Variants in YEATS2 observed in about 807,000 individuals in gnomAD.
YEATS2 encodes YEATS domain containing 2, also known as YEATS domain-containing protein 2.
YEATS2 carries 77 observed loss-of-function variants against 163.2 expected under a neutral mutation model. The ratio of observed to expected loss-of-function variants is 0.47; its 90% CI spans 0.39 to 0.57. The LOEUF (loss-of-function observed/expected upper bound fraction) is 0.57. Ranked by LOEUF, YEATS2 falls within the 20% of genes least tolerant of loss-of-function variation. YEATS2 has a pLI of 0.00. For missense variants in YEATS2, 1,549 were observed against 1,729.8 expected (o/e 0.90, Z 1.85); for synonymous variants, 631 against 645.1 (o/e 0.98, Z 0.33).
chr3:183,801,558 C>T lies in YEATS2; in HGVS notation c.3502+30C>T. On this transcript the variant is annotated intron_variant, in intron 25 of 30. Coordinates refer to ENST00000305135, the MANE Select transcript of YEATS2 (RefSeq NM_018023.5). The stretch of plus-strand genomic sequence containing the variant: ...GACAATTACACTGAATATAGGGGTG[C>T]ATTTTTGAAAGCTGTGAACTTAAGG... The T allele has an allele frequency of 4.6e-6, 7 of 1,533,156 alleles. 1 individual carries two copies. The highest frequency in any genetic ancestry group is 6.2e-6 in the Non-Finnish European group (7 of 1,126,188). 95.0% of individuals were successfully genotyped at this position (1,533,156 alleles called of 1,614,324 possible). A position where few individuals can be genotyped will look rare whatever the true frequency, so the allele number is the denominator to read the frequency against.
At chr3:183,728,382 A>G (rs1717351396) in intron 6 of YEATS2, among the ~76,000 whole-genome samples, 1 of 152,176 alleles carries the variant, frequency 6.6e-6, no homozygotes, top group African/African-American at 2.4e-5. Context: ...AAACATGGTG[A>G]TGGGGTCTTG....
At chr3:183,810,096 C>T (rs1041757194) in intron 30 of YEATS2, 7 of 206,640 alleles carry the variant, frequency 3.4e-5, no homozygotes, top group Non-Finnish European at 5.9e-5. Context: ...CCTGGCCTGG[C>T]GTGGCTCCGT....
intron 4 of YEATS2, among the ~76,000 whole-genome samples, chr3:183,720,969 T>TTA (rs1422035332): frequency 1.3e-5 from 2 of 152,220 alleles, no homozygotes; most frequent in Non-Finnish European, 2.9e-5. Flanking sequence ...TCCCTCTTCT[T>TTA]ATAAGCGAGG....
rs563342052 is a variant in YEATS2 at position 183,790,925 on chromosome 3, C to G, written c.3042C>G (p.Ser1014Arg). The G allele has an allele frequency of 1.2e-6, 2 of 1,614,208 alleles. No homozygotes were observed. Among genetic ancestry groups the G allele is most frequent in the South Asian group, 2.2e-5 (2 of 91,076 alleles). Reference sequence around the variant, plus strand: ...AGGCTGCCACCCCCACCGTCGTCAGCGCCACGTCCCTCGTGCCTACACCAA... The same window carrying G: ...AGGCTGCCACCCCCACCGTCGTCAGGGCCACGTCCCTCGTGCCTACACCAA... ...TCKAATPTVVSATSLVPTPNP... is the reference protein window; with the variant it reads ...TCKAATPTVVRATSLVPTPNP... Residue 1014 changes from serine to arginine, a missense_variant, in exon 21 of 31, where the codon AGC becomes AGG. Transcript: ENST00000305135.
intron 15 of YEATS2, among the ~76,000 whole-genome samples, chr3:183,763,942 C>T (rs891977310): frequency 6.6e-6 from 1 of 152,030 alleles, no homozygotes; most frequent in African/African-American, 2.4e-5. Flanking sequence ...GTGGCATGCA[C>T]CTGTAATCCC....
intron 8 of YEATS2, among the ~76,000 whole-genome samples, chr3:183,737,353 T>TG (rs1041795784): frequency 1.6e-4 from 25 of 152,026 alleles, no homozygotes; most frequent in African/African-American, 5.6e-4. Context: ...CTAAGAATAG[T>TG]GGGGGGAAGA....
At position 183,768,378 on chromosome 3, in the gene YEATS2, A is replaced by T. The variant is rs1170833643; in HGVS notation, c.1948-3927A>T. On this transcript the variant is annotated intron_variant, in intron 15 of 30. Coordinates refer to ENST00000305135, the MANE Select transcript of YEATS2 (RefSeq NM_018023.5). Reference sequence around the variant, plus strand: ...AGCCAGAAAGCAAATGGCCACGCCTAGGTCTGGGAGGGCTGGGAAATAGAG... The same window carrying T: ...AGCCAGAAAGCAAATGGCCACGCCTTGGTCTGGGAGGGCTGGGAAATAGAG... 2.0e-5 allele frequency among the ~76,000 whole-genome samples: 3 copies of T among 152,184 alleles called. No individual in the cohort carries two copies. In the East Asian group the frequency reaches 5.8e-4, roughly 29 times the overall value.
At chr3:183,744,332 G>C (rs938905461) in intron 8 of YEATS2, among the ~76,000 whole-genome samples, 2 of 151,656 alleles carry the variant, frequency 1.3e-5, no homozygotes, top group African/African-American at 4.8e-5. Context: ...GGCTAGGCTG[G>C]TCTCAAACTC....
chr3:183,741,881 G>A (rs1157940623), intron 8 of YEATS2, among the ~76,000 whole-genome samples: 34 of 152,058 alleles, frequency 2.2e-4, no homozygotes, highest in Non-Finnish European at 4.7e-4. Flanking sequence ...AGATCAAGGA[G>A]TAATTTCAAC....
At chr3:183,793,413 T>G (rs1724843244) in intron 21 of YEATS2, 2 of 1,022,976 alleles carry the variant, frequency 2.0e-6, no homozygotes, top group South Asian at 7.6e-5. Flanking sequence ...TGTTCTCTAC[T>G]AACTGTTTTA....
Position 183,717,636 on chromosome 3 carries a change from A to T in YEATS2, c.101-15A>T. On this transcript the variant is annotated splice_polypyrimidine_tract_variant and intron_variant, in intron 2 of 30. Coordinates refer to ENST00000305135, the MANE Select transcript of YEATS2 (RefSeq NM_018023.5). ...ATTAATTAGGCCTTGGATGTATTTT[A>T]TGTTCTTTGTACAGCTCGAGATGCT... 2 of 1,538,110 alleles carry T rather than the reference A, an allele frequency of 1.3e-6. No individual in the cohort carries two copies. The highest frequency in any genetic ancestry group is 1.7e-6 in the Non-Finnish European group (2 of 1,149,002).
At chr3:183,784,089 T>G (rs1723828317) in intron 19 of YEATS2, among the ~76,000 whole-genome samples, 1 of 152,162 alleles carries the variant, frequency 6.6e-6, no homozygotes, top group Non-Finnish European at 1.5e-5. Context: ...ATTTTTCTAG[T>G]GACAGGGTCA....
chr3:183,708,592 CA>C (rs915208731), intron 1 of YEATS2, among the ~76,000 whole-genome samples: 5 of 151,990 alleles, frequency 3.3e-5, no homozygotes, highest in East Asian at 1.9e-4. Context: ...TGTTTGGGGC[CA>C]GGGGTGGTGG....
At position 183,698,625 on chromosome 3, in the gene YEATS2, G is replaced by A. The variant is rs184481284; in HGVS notation, c.-20+632G>A. On this transcript the variant is annotated intron_variant, in intron 1 of 30. Coordinates refer to ENST00000305135, the MANE Select transcript of YEATS2 (RefSeq NM_018023.5). ...TTATGTTAAGAAATAGAAACCAGAG[G>A]AAGAGAAATGCCATCAGCAATCTTA... Among the ~76,000 whole-genome samples, 22 of 152,316 alleles carry A rather than the reference G, an allele frequency of 1.4e-4. No homozygotes were observed. In the East Asian group the frequency reaches 4.0e-3, roughly 28 times the overall value.
chr3:183,721,471 T>C (rs892968393), intron 4 of YEATS2, among the ~76,000 whole-genome samples: 29 of 152,228 alleles, frequency 1.9e-4, no homozygotes, highest in South Asian at 1.0e-3. Context: ...ATATTCTCTA[T>C]TACATTTTAC....
At chr3:183,761,806 C>T (rs1285157916) in intron 14 of YEATS2, among the ~76,000 whole-genome samples, 192 bp downstream of exon 14, 1 of 152,194 alleles carries the variant, frequency 6.6e-6, no homozygotes, top group Non-Finnish European at 1.5e-5. Context: ...ATTCATGGAG[C>T]ACAGTGTGTT....
At chr3:183,775,265 G>A (rs1435771424) in intron 17 of YEATS2, among the ~76,000 whole-genome samples, 4 of 152,088 alleles carry the variant, frequency 2.6e-5, no homozygotes, top group Non-Finnish European at 5.9e-5. Context: ...CCAAAAGTTG[G>A]GAAGCACCTA....
chr3:183,796,552 A>G (rs1179160612), intron 21 of YEATS2, among the ~76,000 whole-genome samples: 1 of 150,464 alleles, frequency 6.6e-6, no homozygotes, highest in Non-Finnish European at 1.5e-5. Context: ...TGTGGTGTGT[A>G]GACAGATGCA....
In YEATS2 at chr3:183,715,257, A is replaced by G; in HGVS notation, c.95A>G (p.Asn32Ser). ...AATAAGCGGCATAAAGCAATTGAGAATTCAGGTAGAAATCCTGCCTTAGGA... is the reference window on the plus strand; with the variant it reads ...AATAAGCGGCATAAAGCAATTGAGAGTTCAGGTAGAAATCCTGCCTTAGGA... ...LPNKRHKAIENSARDAAVQKI... is the reference protein window; with the variant it reads ...LPNKRHKAIESSARDAAVQKI... Residue 32 changes from asparagine to serine, a missense_variant, in exon 2 of 31, where the codon AAT becomes AGT. Physicochemically the swap from Asn to Ser is conservative, Grantham distance 46 (BLOSUM62 1). Coordinates refer to ENST00000305135, the MANE Select transcript of YEATS2 (RefSeq NM_018023.5). The G allele has an allele frequency of 1.2e-6, 2 of 1,610,166 alleles. No individual in the cohort carries two copies. Among genetic ancestry groups the G allele is most frequent in the Non-Finnish European group, 8.5e-7 (1 of 1,177,496 alleles).
Sources: allele counts gnomAD v4.1 joint callset (sites outside exome capture counted in the v4.1 genomes callset), GRCh38; gene constraint gnomAD v4.1.1; transcripts MANE v1.5; gene names NCBI Gene and HGNC (gene_info 2026-07-23, HGNC 2026-07-21).